Variants in CABLES1 observed in about 807,000 individuals in gnomAD.
CABLES1 encodes the protein CDK5 and ABL1 enzyme substrate 1.
A neutral mutation model predicts 57.8 loss-of-function variants in CABLES1; 36 were observed. That is an observed-to-expected ratio of 0.62 (90% CI 0.48 to 0.82). CABLES1 has a LOEUF of 0.82. Among genes scored for constraint, CABLES1 ranks in the 40% least tolerant of loss-of-function variants. CABLES1 has a pLI of 0.00. For missense variants in CABLES1, 767 were observed against 836.6 expected (o/e 0.92, Z 1.03); for synonymous variants, 374 against 363.0 (o/e 1.03, Z -0.35).
At chr18:23,205,092 C>T (rs2047353189) in intron 3 of CABLES1, among the ~76,000 whole-genome samples, 1 of 151,734 alleles carries the variant, frequency 6.6e-6, no homozygotes, top group Non-Finnish European at 1.5e-5. Flanking sequence ...GCAGATGACT[C>T]AGGGCTGGAC....
intron 2 of CABLES1, chr18:23,190,438 C>T (rs1049793661): frequency 1.3e-5 from 2 of 152,220 alleles, no homozygotes; most frequent in African/African-American, 2.4e-5. Flanking sequence ...AGAGGGCTCT[C>T]CCCTCTTCAG....
chr18:23,226,110 A>G (rs557332466), intron 4 of CABLES1, among the ~76,000 whole-genome samples: 3 of 152,354 alleles, frequency 2.0e-5, no homozygotes, highest in African/African-American at 7.2e-5. Context: ...CTTGACCTTT[A>G]AAGTGTTACT....
At chr18:23,140,180 G>A (rs372075007) in intron 1 of CABLES1, among the ~76,000 whole-genome samples, 3 of 152,326 alleles carry the variant, frequency 2.0e-5, no homozygotes, top group African/African-American at 7.2e-5. Context: ...TGCTCTGGCG[G>A]TGAATGGTGC....
chr18:23,167,946 C>T (rs1367409937), intron 1 of CABLES1, among the ~76,000 whole-genome samples: 1 of 152,258 alleles, frequency 6.6e-6, no homozygotes, highest in Admixed American at 6.5e-5. Context: ...AGTCAGGTTG[C>T]TGTAACTCCA....
intron 1 of CABLES1, among the ~76,000 whole-genome samples, chr18:23,158,576 A>G (rs758242715): frequency 1.3e-5 from 2 of 152,160 alleles, no homozygotes; most frequent in Non-Finnish European, 2.9e-5. Context: ...TCATCTGTTT[A>G]GGTTACATAG....
intron 4 of CABLES1, among the ~76,000 whole-genome samples, chr18:23,221,963 G>A (rs1417873603): frequency 6.6e-6 from 1 of 152,184 alleles, no homozygotes; most frequent in Admixed American, 6.5e-5. Flanking sequence ...AGCTTAGAAG[G>A]TGCCTTCCTT....
chr18:23,225,701 A>C (rs1327609403), intron 4 of CABLES1, among the ~76,000 whole-genome samples: 1 of 152,234 alleles, frequency 6.6e-6, no homozygotes, highest in African/African-American at 2.4e-5. Flanking sequence ...ACACTTGCCA[A>C]GGCCAGCCTG....
At chr18:23,159,245 G>A (rs576733293) in intron 1 of CABLES1, among the ~76,000 whole-genome samples, 2 of 152,358 alleles carry the variant, frequency 1.3e-5, no homozygotes, top group East Asian at 1.9e-4. Flanking sequence ...GATTACAGGC[G>A]TGAGCCACTG....
At chr18:23,179,950 G>T (rs970798484) in intron 1 of CABLES1, among the ~76,000 whole-genome samples, 1 of 152,022 alleles carries the variant, frequency 6.6e-6, no homozygotes, top group Admixed American at 6.6e-5. Flanking sequence ...ACGGAGTCTC[G>T]CTCTGTTGCC....
intron 4 of CABLES1, chr18:23,219,016 G>A (rs2047465811): frequency 5.5e-6 from 2 of 365,822 alleles, no homozygotes; most frequent in South Asian, 4.0e-5. Context: ...GTAAAAGCAG[G>A]GTGTTTGCTA....
intron 1 of CABLES1, among the ~76,000 whole-genome samples, chr18:23,170,378 A>G (rs2047073695): frequency 6.6e-6 from 1 of 152,152 alleles, no homozygotes; most frequent in Non-Finnish European, 1.5e-5. Context: ...CCACACACAG[A>G]ACAGAGTCCC....
intron 3 of CABLES1, among the ~76,000 whole-genome samples, chr18:23,201,682 G>A (rs1371873795): frequency 6.6e-6 from 1 of 152,066 alleles, no homozygotes; most frequent in Admixed American, 6.5e-5. Context: ...ATGTGTCCTC[G>A]GTCCACCCCA....
intron 1 of CABLES1, among the ~76,000 whole-genome samples, chr18:23,153,999 C>G (rs369024471): frequency 7.2e-5 from 11 of 152,262 alleles, no homozygotes; most frequent in East Asian, 5.8e-4. Context: ...CCACCCACTC[C>G]AGCCTGGGTG....
At chr18:23,210,136 C>T (rs1169072205) in intron 3 of CABLES1, among the ~76,000 whole-genome samples, 1 of 130,332 alleles carries the variant, frequency 7.7e-6, no homozygotes, top group Admixed American at 7.7e-5. Flanking sequence ...GGGCTATAGC[C>T]CCAGGGAATG....
intron 7 of CABLES1, 60 bp from the exon 8 acceptor site, chr18:23,252,900 A>C: frequency 1.7e-6 from 2 of 1,170,446 alleles, no homozygotes; most frequent in South Asian, 2.5e-5. Flanking sequence ...TAGTTGGTGC[A>C]TAATTATTAC....
rs1666428750 is a variant in CABLES1, at chr18:23,135,498, C to G, written c.-265C>G. On this transcript the variant is annotated 5_prime_UTR_variant, in exon 1 of 10. Transcript: ENST00000256925. ...GCCCCGGAGCCCGCGAGCCAGCGGC[C>G]AGGCGACCGGCGGGCGGCCAGCCAG... is the stretch of plus-strand genomic sequence containing the variant. 6.7e-6 allele frequency: 1 copy of G among 149,858 alleles called. No homozygotes were observed. Among genetic ancestry groups the G allele is most frequent in the African/African-American group, 2.4e-5 (1 of 41,206 alleles). 9.3% of individuals were successfully genotyped at this position (149,858 alleles called of 1,614,324 possible). A position where few individuals can be genotyped will look rare whatever the true frequency, so the allele number is the denominator to read the frequency against.
intron 1 of CABLES1, among the ~76,000 whole-genome samples, chr18:23,163,918 A>G (rs561788434): frequency 6.6e-6 from 1 of 152,302 alleles, no homozygotes; most frequent in Admixed American, 6.5e-5. Context: ...TATAATCTGT[A>G]TAATAGCCTA....
At chr18:23,254,491 AT>A (rs770493470) in intron 9 of CABLES1, among the ~76,000 whole-genome samples, 1 of 152,258 alleles carries the variant, frequency 6.6e-6, no homozygotes, top group Non-Finnish European at 1.5e-5. Flanking sequence ...AAGCCAACTG[AT>A]TAGAAGACAG....
At chr18:23,219,674 C>T (rs1018194807) in intron 4 of CABLES1, among the ~76,000 whole-genome samples, 1 of 152,180 alleles carries the variant, frequency 6.6e-6, no homozygotes, top group African/African-American at 2.4e-5. Flanking sequence ...ACTTAGCCCT[C>T]CTGAGTCTCA....
Sources: allele counts gnomAD v4.1 joint callset (sites outside exome capture counted in the v4.1 genomes callset), GRCh38; gene constraint gnomAD v4.1.1; transcripts MANE v1.5; gene names NCBI Gene and HGNC (gene_info 2026-07-23, HGNC 2026-07-21).